The following KCNJ6 variants were observed in gnomAD, a reference collection of about 807,000 sequenced individuals.
KCNJ6 encodes the protein potassium inwardly rectifying channel subfamily J member 6.
In KCNJ6, 9 loss-of-function variants were observed where a neutral mutation model predicts 34.2. The observed-to-expected ratio is 0.26, with a 90% CI of 0.16 to 0.46. The LOEUF (loss-of-function observed/expected upper bound fraction) is 0.46, where lower values mean the gene tolerates loss of function less well. KCNJ6 is among the 20% of genes least tolerant of loss of function. The pLI is 1.00. For missense variants in KCNJ6, 236 were observed against 531.3 expected, an observed-to-expected ratio of 0.44 and a Z score of 5.46; for synonymous variants, 196 against 207.1, an observed-to-expected ratio of 0.95 and a Z score of 0.46.
Position 37,714,815 on chromosome 21 carries a change from G to A in KCNJ6, c.342C>T (p.Ile114=), listed in dbSNP as rs572096844. 1.4e-4 allele frequency: 219 copies of A among 1,614,164 alleles called. 3 individuals carry two copies. In the South Asian group the frequency reaches 2.3e-3, roughly 17 times the overall value. The part of the protein sequence containing the change: ...WLFFGMIWWL[I]AYIRGDMDHI... ...GGTCCATGTCTCCCCGTATGTATGC[G>A]ATCAACCACCAGATCATTCCAAAAA... The change falls in exon 3 of 4, where the codon ATC becomes ATT. Residue 114 remains isoleucine (I), a synonymous_variant. Coordinates refer to ENST00000609713, the MANE Select transcript of KCNJ6 (RefSeq NM_002240.5). This position sits in a 1 kb window ranked among gnomAD's most constrained non-coding sequence, Gnocchi z 5.9.
Position 37,622,227 on chromosome 21 carries a change from G to A in KCNJ6, c.*2932C>T, listed in dbSNP as rs1273127803. 1.3e-5 allele frequency: 2 copies of A among 152,194 alleles called. No homozygotes were observed. The highest frequency in any genetic ancestry group is 4.8e-5 in the African/African-American group (2 of 41,454). 9.4% of individuals were successfully genotyped at this position (152,194 alleles called of 1,614,324 possible). ...ATCTAGTTGAGAGTGATCTTCATTA[G>A]TTATGGATACTGTTGTATTAAAAGA... On this transcript the variant is annotated 3_prime_UTR_variant, in exon 4 of 4. Coordinates refer to ENST00000609713, the MANE Select transcript of KCNJ6 (RefSeq NM_002240.5).
At chr21:37,764,842 A>AC (rs2055083291) in intron 2 of KCNJ6, among the ~76,000 whole-genome samples, 2 of 152,164 alleles carry the variant, frequency 1.3e-5, no homozygotes, top group African/African-American at 2.4e-5. Flanking sequence ...AGGGTGGTTG[A>AC]TGGGGGAGAT....
At chr21:37,727,750 G>A (rs957446488) in intron 2 of KCNJ6, among the ~76,000 whole-genome samples, 2 of 152,128 alleles carry the variant, frequency 1.3e-5, no homozygotes, top group Non-Finnish European at 2.9e-5. Context: ...TGGGAGGAAC[G>A]GAGAAAGATG....
At chr21:37,703,977 G>T (rs2054705475) in intron 3 of KCNJ6, among the ~76,000 whole-genome samples, 1 of 152,246 alleles carries the variant, frequency 6.6e-6, no homozygotes, top group Non-Finnish European at 1.5e-5. Context: ...GCCTTGCCCT[G>T]CTGGGCCTGG....
chr21:37,650,130 G>A (rs965624343), intron 3 of KCNJ6, among the ~76,000 whole-genome samples: 11 of 152,186 alleles, frequency 7.2e-5, no homozygotes, highest in African/African-American at 2.7e-4. Context: ...CACAATGAAT[G>A]TGGCTTTGAT....
intron 2 of KCNJ6, among the ~76,000 whole-genome samples, chr21:37,749,288 C>T (rs1039127125): frequency 1.3e-5 from 2 of 152,088 alleles, no homozygotes; most frequent in African/African-American, 4.8e-5. Flanking sequence ...GGGTGTTTGC[C>T]CGTAGCACAG....
At chr21:37,915,178 T>C (rs2055887469) in intron 1 of KCNJ6, among the ~76,000 whole-genome samples, 1 of 152,178 alleles carries the variant, frequency 6.6e-6, no homozygotes, top group Admixed American at 6.5e-5. Context: ...AATGAAAATA[T>C]ATCCACAGGG....
intron 2 of KCNJ6, among the ~76,000 whole-genome samples, chr21:37,808,040 T>C (rs1385263181): frequency 6.6e-6 from 1 of 152,190 alleles, no homozygotes; most frequent in African/African-American, 2.4e-5. Context: ...CCCTCTCTTC[T>C]AGAAAAATAT....
chr21:37,655,762 A>AT (rs1030662438), intron 3 of KCNJ6, among the ~76,000 whole-genome samples: 3 of 152,140 alleles, frequency 2.0e-5, no homozygotes, highest in Non-Finnish European at 4.4e-5. Context: ...ATGGGGAAGC[A>AT]TTTTTCCCCA....
intron 1 of KCNJ6, among the ~76,000 whole-genome samples, chr21:37,852,891 T>C (rs1027990472): frequency 4.0e-5 from 6 of 151,786 alleles, no homozygotes; most frequent in Non-Finnish European, 8.8e-5. Flanking sequence ...AATAAAAAAC[T>C]CAATCGATGG....
chr21:37,904,615 T>C lies in KCNJ6; in HGVS notation c.-28+11269A>G, dbSNP rs2055832482. 5.3e-5 allele frequency among the ~76,000 whole-genome samples: 8 copies of C among 152,188 alleles called. No individual in the cohort carries two copies. In the South Asian group the frequency reaches 1.5e-3, roughly 28 times the overall value. ...TTTTATTTTTTTACTATAGACTCCTTGTTTTCATGGGGTCTCCATTCATGC... is the reference window on the plus strand; with the variant it reads ...TTTTATTTTTTTACTATAGACTCCTCGTTTTCATGGGGTCTCCATTCATGC... On this transcript the variant is annotated intron_variant, in intron 1 of 3. Transcript: ENST00000609713.
intron 2 of KCNJ6, among the ~76,000 whole-genome samples, chr21:37,805,952 C>T (rs79979432): frequency 0.017 from 2,591 of 152,318 alleles, 74 homozygotes; most frequent in African/African-American, 0.056. Flanking sequence ...TTCTGGCCTC[C>T]AGACCTGCAA....
At chr21:37,768,833 G>A (rs2055103508) in intron 2 of KCNJ6, among the ~76,000 whole-genome samples, 2 of 152,154 alleles carry the variant, frequency 1.3e-5, no homozygotes, top group South Asian at 4.1e-4. Flanking sequence ...AATAACACAA[G>A]TAAATGGCAA....
intron 2 of KCNJ6, among the ~76,000 whole-genome samples, chr21:37,732,708 T>G (rs1398351163): frequency 6.6e-6 from 1 of 152,174 alleles, no homozygotes; most frequent in African/African-American, 2.4e-5. Context: ...AGACAGATGT[T>G]CCAACCCACT....
intron 2 of KCNJ6, among the ~76,000 whole-genome samples, chr21:37,755,958 G>A (rs1601455764): frequency 6.6e-6 from 1 of 152,232 alleles, no homozygotes; most frequent in Non-Finnish European, 1.5e-5. Flanking sequence ...TTATTCGGTG[G>A]CTCGAAATGC....
chr21:37,703,641 C>T (rs1366753674), intron 3 of KCNJ6, among the ~76,000 whole-genome samples: 2 of 152,174 alleles, frequency 1.3e-5, no homozygotes, highest in Admixed American at 6.5e-5. Flanking sequence ...AAGGCAAGTG[C>T]ACAAAACATC....
chr21:37,824,958 C>T (rs995319591), intron 2 of KCNJ6, among the ~76,000 whole-genome samples: 5 of 152,236 alleles, frequency 3.3e-5, no homozygotes, highest in South Asian at 2.1e-4. Flanking sequence ...CCTTGGCTTT[C>T]GTGGGTTTAC....
chr21:37,659,141 G>A (rs1183962655), intron 3 of KCNJ6, among the ~76,000 whole-genome samples: 1 of 152,210 alleles, frequency 6.6e-6, no homozygotes, highest in African/African-American at 2.4e-5. Context: ...AGGGCCCCTG[G>A]TGGAGTCCAG....
chr21:37,770,479 G>T (rs1417283265), intron 2 of KCNJ6, among the ~76,000 whole-genome samples: 1 of 152,120 alleles, frequency 6.6e-6, no homozygotes, highest in Admixed American at 6.5e-5. Flanking sequence ...CAGGAAATTG[G>T]ATTGCTACTA....
Sources: allele counts gnomAD v4.1 joint callset (sites outside exome capture counted in the v4.1 genomes callset), GRCh38; gene constraint gnomAD v4.1.1; non-coding constraint Gnocchi (gnomAD v3.1); transcripts MANE v1.5; gene names NCBI Gene and HGNC (gene_info 2026-07-23, HGNC 2026-07-21).